The following CRLS1 variants were observed in gnomAD, a reference collection of about 807,000 sequenced individuals.
CRLS1 encodes the protein cardiolipin synthase (CMP-forming).
A neutral mutation model predicts 37.0 loss-of-function variants in CRLS1; 24 were observed. The observed-to-expected ratio is 0.65, with a 90% CI of 0.47 to 0.91. The LOEUF is 0.91. Ranked by LOEUF, CRLS1 falls within the 40% of genes least tolerant of loss-of-function variation. The pLI is 0.00. For missense variants in CRLS1, 373 were observed against 395.8 expected (o/e 0.94, Z 0.49); for synonymous variants, 135 against 159.7 (o/e 0.85, Z 1.17).
intron 5 of CRLS1, among the ~76,000 whole-genome samples, chr20:6,033,194 A>G (rs574538613): frequency 6.6e-6 from 1 of 151,764 alleles, no homozygotes; most frequent in African/African-American, 2.4e-5. Context: ...CAATGACGCG[A>G]TCTTGGCTCA....
chr20:6,018,383 G>A (rs1047695100), intron 3 of CRLS1, among the ~76,000 whole-genome samples: 2 of 151,986 alleles, frequency 1.3e-5, no homozygotes, highest in African/African-American at 4.8e-5. Flanking sequence ...TTTATGTCTT[G>A]TATGTAATTA....
At chr20:6,020,362 C>T (rs956582760) in intron 3 of CRLS1, among the ~76,000 whole-genome samples, 1 of 152,122 alleles carries the variant, frequency 6.6e-6, no homozygotes, top group African/African-American at 2.4e-5. Context: ...ATTATTCTTT[C>T]ATTGACCTGT....
At position 6,039,261 on chromosome 20, in the gene CRLS1, T is replaced by TTGTGTGTGTGTGTGTG. The variant is rs57347731; in HGVS notation, c.*2131_*2146dup. 1.4e-5 allele frequency: 2 copies of TTGTGTGTGTGTGTGTG among 147,856 alleles called. No homozygotes were observed. The highest frequency in any genetic ancestry group is 3.0e-5 in the Non-Finnish European group (2 of 67,038). The allele number at this position is 147,856 out of a possible 1,614,324, so 9.2% of individuals were successfully genotyped here. A position where few individuals can be genotyped will look rare whatever the true frequency, so the allele number is the denominator to read the frequency against. On this transcript the variant is annotated 3_prime_UTR_variant, in exon 7 of 7. Transcript: ENST00000378863. ...CACCAACTGTGCTTTGCAGTTTTGT[T>TTGTGTGTGTGTGTGTG]TGTGTGTGTGTGTGTGTGTGTGTGT... is the stretch of plus-strand genomic sequence containing the variant.
At chr20:6,016,140 C>T in intron 3 of CRLS1, 1 of 152,246 alleles carries the variant, frequency 6.6e-6, no homozygotes, top group East Asian at 1.9e-4. Context: ...CTGGGACTTC[C>T]CTTCACTGTC....
intron 1 of CRLS1, among the ~76,000 whole-genome samples, chr20:6,007,037 A>G (rs149272797): frequency 6.6e-6 from 1 of 152,346 alleles, no homozygotes; most frequent in East Asian, 1.9e-4. Context: ...GGTCGTAATT[A>G]AAAGATCTTT....
chr20:6,006,603 C>G, intron 1 of CRLS1, 51 bp downstream of exon 1: 5 of 1,243,522 alleles, frequency 4.0e-6, no homozygotes, highest in Non-Finnish European at 5.0e-6. Context: ...GGGTCGCCGC[C>G]CCTGCACTCA....
At chr20:6,014,981 C>T in intron 2 of CRLS1, among the ~76,000 whole-genome samples, 1 of 151,896 alleles carries the variant, frequency 6.6e-6, no homozygotes, top group Non-Finnish European at 1.5e-5. Context: ...ATTATATTAT[C>T]CTAGTCCAGG....
chr20:6,010,404 A>G (rs944882324), intron 2 of CRLS1, among the ~76,000 whole-genome samples: 4 of 152,250 alleles, frequency 2.6e-5, no homozygotes, highest in Admixed American at 2.0e-4. Flanking sequence ...CTCAGGTTTC[A>G]TGCTAGCAGA....
chr20:6,026,011 G>A (rs2122993301), intron 3 of CRLS1, among the ~76,000 whole-genome samples: 1 of 152,312 alleles, frequency 6.6e-6, no homozygotes, highest in South Asian at 2.1e-4. Context: ...CAGACTTAGT[G>A]GATAAGGCCG....
At chr20:6,036,081 A>C (rs1980528694) in intron 6 of CRLS1, among the ~76,000 whole-genome samples, 1 of 152,154 alleles carries the variant, frequency 6.6e-6, no homozygotes, top group Admixed American at 6.5e-5. Context: ...CTGGGATTAC[A>C]GGTGTGAGCC....
At chr20:6,031,001 G>A (rs754515967) in intron 3 of CRLS1, among the ~76,000 whole-genome samples, 69 of 151,938 alleles carry the variant, frequency 4.5e-4, no homozygotes, top group Admixed American at 2.2e-3. Context: ...AAACATGCAA[G>A]AAAAAAACAC....
At chr20:6,025,838 C>T (rs1429669204) in intron 3 of CRLS1, among the ~76,000 whole-genome samples, 3 of 152,142 alleles carry the variant, frequency 2.0e-5, no homozygotes, top group Non-Finnish European at 4.4e-5. Context: ...AGTAAGATAG[C>T]TAGAATTAGA....
intron 3 of CRLS1, among the ~76,000 whole-genome samples, chr20:6,024,841 C>T (rs1979550173): frequency 6.6e-6 from 1 of 152,224 alleles, no homozygotes; most frequent in Non-Finnish European, 1.5e-5. Flanking sequence ...AAGATCACGT[C>T]AGCCAAAACA....
chr20:6,034,340 A>G, intron 5 of CRLS1, 124 bp from the exon 6 acceptor site: 1 of 650,184 alleles, frequency 1.5e-6, no homozygotes, highest in Non-Finnish European at 2.7e-6. Context: ...GATAGTGTAG[A>G]TGAACAGCAA....
At chr20:6,029,609 T>G (rs1338662819) in intron 3 of CRLS1, among the ~76,000 whole-genome samples, 3 of 152,252 alleles carry the variant, frequency 2.0e-5, no homozygotes, top group Non-Finnish European at 4.4e-5. Flanking sequence ...TCTGCCTGCC[T>G]TGGCCTCCCA....
chr20:6,020,798 ATTT>A (rs768464432), intron 3 of CRLS1, among the ~76,000 whole-genome samples: 1 of 139,462 alleles, frequency 7.2e-6, no homozygotes. Flanking sequence ...AATTTTTTGT[ATTT>A]TTTTTTTTTT....
chr20:6,010,570 C>T (rs1214710414), intron 2 of CRLS1, among the ~76,000 whole-genome samples: 1 of 152,190 alleles, frequency 6.6e-6, no homozygotes, highest in Non-Finnish European at 1.5e-5. Flanking sequence ...CTCCTTGATA[C>T]TACATTGTTA....
At chr20:6,033,497 C>T (rs1980334849) in intron 5 of CRLS1, among the ~76,000 whole-genome samples, 1 of 152,144 alleles carries the variant, frequency 6.6e-6, no homozygotes, top group Non-Finnish European at 1.5e-5. Flanking sequence ...GGTGATAGAA[C>T]AGAGGTGCTC....
intron 3 of CRLS1, among the ~76,000 whole-genome samples, chr20:6,021,305 G>A (rs1979271376): frequency 6.6e-6 from 1 of 152,090 alleles, no homozygotes; most frequent in Non-Finnish European, 1.5e-5. Flanking sequence ...GACCTCAAGT[G>A]ATCTGCCCGC....
Sources: allele counts gnomAD v4.1 joint callset (sites outside exome capture counted in the v4.1 genomes callset), GRCh38; gene constraint gnomAD v4.1.1; transcripts MANE v1.5; gene names NCBI Gene and HGNC (gene_info 2026-07-23, HGNC 2026-07-21).